The following CAVIN1 variants were observed in gnomAD, a reference collection of about 807,000 sequenced individuals.
CAVIN1 encodes caveolae-associated protein 1.
Under a neutral mutation model 24.0 loss-of-function variants are expected in CAVIN1, and 16 were observed. That is an observed-to-expected ratio of 0.67 (90% CI 0.45 to 1.01). The LOEUF (loss-of-function observed/expected upper bound fraction) is 1.01, where lower values mean the gene tolerates loss of function less well. Among genes scored for constraint, CAVIN1 ranks in the 50% least tolerant of loss-of-function variants. CAVIN1 has a pLI of 0.00. For synonymous variants in CAVIN1, 256 were observed against 256.4 expected, an observed-to-expected ratio of 1.00 and a Z score of 0.02; for missense variants, 510 against 551.7, an observed-to-expected ratio of 0.92 and a Z score of 0.76.
In CAVIN1 at chr17:42,422,884, G is replaced by C. The variant is rs749042133; in HGVS notation, c.214C>G (p.Gln72Glu). ...GCCTGCCGCTCCTCCAGCTGTGCTT[G>C]AGTCAGCTGGATCTGGTCTACGGCC... Reference protein sequence around the residue: ...IGAVDQIQLTQAQLEERQAEM... With the variant: ...IGAVDQIQLTEAQLEERQAEM... The change falls in exon 1 of 2, where the codon CAA becomes GAA. Residue 72 changes from glutamine (Q) to glutamate (E), a missense_variant. Gln to Glu is a conservative substitution (Grantham distance 29). Coordinates refer to ENST00000357037, the MANE Select transcript of CAVIN1 (RefSeq NM_012232.6). 5.6e-6 allele frequency: 9 copies of C among 1,614,140 alleles called. No homozygotes were observed. The highest frequency in any genetic ancestry group is 2.2e-5 in the East Asian group (1 of 44,872).
At chr17:42,416,403 A>G (rs1169902080) in intron 1 of CAVIN1, among the ~76,000 whole-genome samples, 1 of 151,730 alleles carries the variant, frequency 6.6e-6, no homozygotes, top group East Asian at 1.9e-4. Context: ...AGAAAAGAAG[A>G]AAAGAAGAAG....
chr17:42,421,631 T>C (rs1190157095), intron 1 of CAVIN1, among the ~76,000 whole-genome samples: 1 of 151,984 alleles, frequency 6.6e-6, no homozygotes, highest in Non-Finnish European at 1.5e-5. Flanking sequence ...AACCCGAGAC[T>C]CCCAGGTTTA....
At chr17:42,415,028 T>G (rs951664938) in intron 1 of CAVIN1, among the ~76,000 whole-genome samples, 10 of 148,064 alleles carry the variant, frequency 6.8e-5, no homozygotes, top group Admixed American at 4.0e-4. Context: ...TTGCCTCTAC[T>G]TCAGCACTTA....
In CAVIN1 at chr17:42,423,192, G is replaced by C. The variant is rs947175459; in HGVS notation, c.-95C>G. On this transcript the variant is annotated 5_prime_UTR_variant, in exon 1 of 2. Transcript: ENST00000357037. Reference sequence around the variant, plus strand: ...GGAGCGGAAGGGAGGAGAGCTAGCGGGCGAGAGCGGAGAGCAGAGGAAACT... The same window carrying C: ...GGAGCGGAAGGGAGGAGAGCTAGCGCGCGAGAGCGGAGAGCAGAGGAAACT... 9.6e-7 allele frequency: 1 copy of C among 1,041,792 alleles called. No individual in the cohort carries two copies. The highest frequency in any genetic ancestry group is 1.6e-5 in the African/African-American group (1 of 61,886). The allele number at this position is 1,041,792 out of a possible 1,614,324, so 64.5% of individuals were successfully genotyped here. A position where few individuals can be genotyped will look rare whatever the true frequency, so the allele number is the denominator to read the frequency against.
At chr17:42,422,575 G>C (rs1435358306) in intron 1 of CAVIN1, 52 bp downstream of exon 1, 9 of 1,444,598 alleles carry the variant, frequency 6.2e-6, no homozygotes, top group Admixed American at 2.0e-5. Context: ...CCCAGGCAGG[G>C]GACGCGGGCC....
chr17:42,412,636 G>C (rs904813935), intron 1 of CAVIN1, among the ~76,000 whole-genome samples: 1 of 121,100 alleles, frequency 8.3e-6, no homozygotes, highest in Non-Finnish European at 1.7e-5. Flanking sequence ...TTATTTTTTT[G>C]AGACAGAGTC....
chr17:42,410,710 G>A (rs1019079122), intron 1 of CAVIN1, among the ~76,000 whole-genome samples: 1 of 151,540 alleles, frequency 6.6e-6, no homozygotes, highest in Non-Finnish European at 1.5e-5. Context: ...TCAGGAGATC[G>A]AGACCATTCT....
chr17:42,406,091 A>T (rs1325264017), intron 1 of CAVIN1, among the ~76,000 whole-genome samples: 1 of 152,152 alleles, frequency 6.6e-6, no homozygotes, highest in Non-Finnish European at 1.5e-5. Context: ...GTTGCGTAAT[A>T]ATTGCACTTG....
chr17:42,423,060 A>G lies in CAVIN1; in HGVS notation c.38T>C (p.Leu13Pro). 2 of 1,605,764 alleles carry G rather than the reference A, an allele frequency of 1.2e-6. No individual in the cohort carries two copies. Among genetic ancestry groups the G allele is most frequent in the Non-Finnish European group, 1.7e-6 (2 of 1,176,900 alleles). ...GGCCTCGGCGTCGGGGTACCCGGGA[A>G]GCGGCCGCTCGACAATATAGAGCGT... Reference protein sequence around the residue: ...DPTLYIVERPLPGYPDAEAPE... With the variant: ...DPTLYIVERPPPGYPDAEAPE... The change falls in exon 1 of 2, where the codon CTT becomes CCT. Residue 13 changes from leucine to proline, a missense_variant. Transcript: ENST00000357037.
In CAVIN1 at chr17:42,405,211, G is replaced by T. The variant is rs2085436071; in HGVS notation, c.649C>A (p.Arg217Ser). 1.9e-6 allele frequency: 3 copies of T among 1,613,972 alleles called. No individual in the cohort carries two copies. Among genetic ancestry groups the T allele is most frequent in the African/African-American group, 1.3e-5 (1 of 75,018 alleles). Residue 217 changes from arginine to serine, a missense_variant, in exon 2 of 2, where the codon CGC becomes AGC. Physicochemically the swap from Arg to Ser is moderately radical, Grantham distance 110. Transcript: ENST00000357037. Reference sequence around the variant, plus strand: ...CCGCTGCGCTTGATACGCTCTGCGCGGGACTCCTCAATAACCTCCTCAACC... The same window carrying T: ...CCGCTGCGCTTGATACGCTCTGCGCTGGACTCCTCAATAACCTCCTCAACC... ...VEVEEVIEESRAERIKRSGLR... is the reference protein window; with the variant it reads ...VEVEEVIEESSAERIKRSGLR...
chr17:42,405,736 G>C (rs954212798), intron 1 of CAVIN1, among the ~76,000 whole-genome samples: 3 of 146,668 alleles, frequency 2.0e-5, no homozygotes, highest in Non-Finnish European at 4.4e-5. Context: ...GCCGAGGCTG[G>C]AGTGCAGTGG....
chr17:42,412,389 CTTTTTTTTTTT>C (rs34186503), intron 1 of CAVIN1: 1 of 203,020 alleles, frequency 4.9e-6, no homozygotes, highest in Non-Finnish European at 7.6e-6. Flanking sequence ...AAATAAACCA[CTTTTTTTTTTT>C]TTTTTTTTTT....
chr17:42,413,564 GGGAAAAAAAAAAAAAAAA>G (rs1567779232), intron 1 of CAVIN1, among the ~76,000 whole-genome samples: 1 of 11,984 alleles, frequency 8.3e-5, no homozygotes. Context: ...GTCTCAAAAA[GGGAAAAAAAAAAAAAAAA>G]AAAAAAAAAA....
chr17:42,420,244 CT>C (rs1465080885), intron 1 of CAVIN1, among the ~76,000 whole-genome samples: 1 of 152,212 alleles, frequency 6.6e-6, no homozygotes, highest in Non-Finnish European at 1.5e-5. Context: ...TTCAGCCGGA[CT>C]TTACCATAAA....
chr17:42,412,336 A>AG (rs2085484159), intron 1 of CAVIN1: 1 of 956,724 alleles, frequency 1.0e-6, no homozygotes, highest in Non-Finnish European at 1.2e-6. Context: ...CATGCAGAGT[A>AG]GGGGCTGGTG....
At position 42,423,015 on chromosome 17, in the gene CAVIN1, C is replaced by T. The variant is rs749794136; in HGVS notation, c.83G>A (p.Gly28Glu). The change falls in exon 1 of 2, where the codon GGG becomes GAG. Residue 28 changes from glycine to glutamate, a missense_variant. By Grantham distance (98) the Gly-to-Glu change is moderately conservative. Coordinates refer to ENST00000357037, the MANE Select transcript of CAVIN1 (RefSeq NM_012232.6). ...DAEAPEPSSA[G>E]AQAAEEPSGA... ...CGACGGCTCCTCCGCTGCCTGAGCC[C>T]CAGCGGAGGAAGGCTCCGGGGCCTC... 7.4e-6 allele frequency: 12 copies of T among 1,612,606 alleles called. No individual in the cohort carries two copies. The highest frequency in any genetic ancestry group is 3.3e-5 in the Admixed American group (2 of 59,880).
intron 1 of CAVIN1, among the ~76,000 whole-genome samples, chr17:42,409,241 C>T (rs2085462491): frequency 6.6e-6 from 1 of 152,160 alleles, no homozygotes; most frequent in Admixed American, 6.5e-5. Flanking sequence ...GCTGGAACTA[C>T]AGGCGCACGC....
intron 1 of CAVIN1, chr17:42,411,982 G>A (rs1375603568): frequency 1.0e-6 from 1 of 985,298 alleles, no homozygotes; most frequent in Non-Finnish European, 1.2e-6. Context: ...TCACCACTAG[G>A]CTGTGGGCTG....
At position 42,405,258 on chromosome 17, in the gene CAVIN1, A is replaced by G; in HGVS notation, c.602T>C (p.Leu201Pro). Residue 201 changes from leucine to proline, a missense_variant, in exon 2 of 2, where the codon CTT becomes CCT. By Grantham distance (98) the Leu-to-Pro change is moderately conservative. Coordinates refer to ENST00000357037, the MANE Select transcript of CAVIN1 (RefSeq NM_012232.6). Reference protein sequence around the residue: ...RPEEDAAALELSSDEAVEVEE... With the variant: ...RPEEDAAALEPSSDEAVEVEE... ...AACCTCCACCGCCTCGTCCGACGAA[A>G]GCTCCAGCGCCGCTGCGTCCTCCTC... The G allele has an allele frequency of 2.5e-6, 4 of 1,613,406 alleles. No individual in the cohort carries two copies. Among genetic ancestry groups the G allele is most frequent in the Non-Finnish European group, 3.4e-6 (4 of 1,179,900 alleles).
Sources: allele counts gnomAD v4.1 joint callset (sites outside exome capture counted in the v4.1 genomes callset), GRCh38; gene constraint gnomAD v4.1.1; transcripts MANE v1.5; gene names NCBI Gene and HGNC (gene_info 2026-07-23, HGNC 2026-07-21).